BCAS3: variants seen among roughly 807,000 people sequenced by gnomAD.
BCAS3 encodes the protein BCAS4/BCAS3 fusion.
A neutral mutation model predicts 116.1 loss-of-function variants in BCAS3; 53 were observed. The ratio of observed to expected loss-of-function variants is 0.46; its 90% CI spans 0.37 to 0.57. BCAS3 has a LOEUF of 0.57. BCAS3 is among the 20% of genes least tolerant of loss of function. The probability of loss-of-function intolerance (pLI) is 0.00; values close to 1 mark genes in which losing one functional copy is unlikely to be tolerated. For missense variants in BCAS3, 917 were observed against 1,165.4 expected (o/e 0.79, Z 3.10); for synonymous variants, 391 against 408.2 (o/e 0.96, Z 0.51).
intron 10 of BCAS3, among the ~76,000 whole-genome samples, chr17:60,899,500 A>G (rs1242064045): frequency 6.6e-6 from 1 of 151,710 alleles, no homozygotes; most frequent in Non-Finnish European, 1.5e-5. Flanking sequence ...TGACAGCCTG[A>G]GATTTTTTTT....
At position 60,994,358 on chromosome 17, in the gene BCAS3, A is replaced by C. The variant is rs2063712663; in HGVS notation, c.1486+4123A>C. Among the ~76,000 whole-genome samples the C allele has an allele frequency of 6.6e-6, 1 of 151,970 alleles. No individual in the cohort carries two copies. The highest frequency in any genetic ancestry group is 1.5e-5 in the Non-Finnish European group (1 of 67,952). On this transcript the variant is annotated intron_variant, in intron 15 of 23. Transcript: ENST00000407086. This position sits in a 1 kb window ranked among gnomAD's most constrained non-coding sequence, Gnocchi z 4.4. The stretch of plus-strand genomic sequence containing the variant: ...AGTATAGTTCATTTTCTTTGTAATT[A>C]TATGTCTTTTTCCCATGGCTTGTAA...
chr17:61,316,633 AG>A lies in BCAS3; in HGVS notation c.2426-51692del, dbSNP rs2054765305. 6.6e-6 allele frequency among the ~76,000 whole-genome samples: 1 copy of A among 152,152 alleles called. No homozygotes were observed. The highest frequency in any genetic ancestry group is 1.5e-5 in the Non-Finnish European group (1 of 68,032). On this transcript the variant is annotated intron_variant, in intron 22 of 23. Coordinates refer to ENST00000407086, the MANE Select transcript of BCAS3 (RefSeq NM_017679.5). The surrounding 1 kb of genome is among the most constrained non-coding windows in gnomAD (Gnocchi z 5.8). Reference sequence around the variant, plus strand: ...GCTGGTATCTGATAAAATAAAGGAAAGGTTAGAGGGAGGGAGAGAGGGAAGG... The same window carrying A: ...GCTGGTATCTGATAAAATAAAGGAAAGTTAGAGGGAGGGAGAGAGGGAAGG...
intron 15 of BCAS3, among the ~76,000 whole-genome samples, chr17:60,998,299 G>A (rs976713217): frequency 2.6e-5 from 4 of 152,156 alleles, no homozygotes; most frequent in East Asian, 1.9e-4. Context: ...ATAGAACTGC[G>A]ATGAACATAT....
At chr17:60,998,970 C>T (rs1365256780) in intron 15 of BCAS3, among the ~76,000 whole-genome samples, 2 of 152,196 alleles carry the variant, frequency 1.3e-5, no homozygotes, top group Admixed American at 1.3e-4. Context: ...GTCTCTAATC[C>T]ATCTTGAGTT....
chr17:60,756,036 A>C (rs2042956602), intron 6 of BCAS3, among the ~76,000 whole-genome samples: 1 of 152,116 alleles, frequency 6.6e-6, no homozygotes, highest in Admixed American at 6.6e-5. Flanking sequence ...ATTGAGGCTT[A>C]CTTGTTCTAA....
rs912734082 is a variant in BCAS3 at position 61,122,803 on chromosome 17, T to A, written c.2425+38239T>A. ...ATGTTCATATATTTAGCATCTGTTG[T>A]CAATACAGCAATGTAAGCTGATGGC... On this transcript the variant is annotated intron_variant, in intron 22 of 23. Transcript: ENST00000407086. The surrounding 1 kb of genome is among the most constrained non-coding windows in gnomAD (Gnocchi z 4.6). Among the ~76,000 whole-genome samples the A allele has an allele frequency of 6.6e-6, 1 of 152,228 alleles. No individual in the cohort carries two copies. The highest frequency in any genetic ancestry group is 1.5e-5 in the Non-Finnish European group (1 of 68,038).
intron 14 of BCAS3, among the ~76,000 whole-genome samples, chr17:60,971,035 T>C (rs1474533417): frequency 6.6e-6 from 1 of 152,228 alleles, no homozygotes; most frequent in Non-Finnish European, 1.5e-5. Context: ...TGGATGGCAA[T>C]CACAGTGCAG....
At position 61,239,912 on chromosome 17, in the gene BCAS3, G is replaced by A. The variant is rs536845181; in HGVS notation, c.2426-128415G>A. On this transcript the variant is annotated intron_variant, in intron 22 of 23. Coordinates refer to ENST00000407086, the MANE Select transcript of BCAS3 (RefSeq NM_017679.5). The surrounding 1 kb of genome is among the most constrained non-coding windows in gnomAD (Gnocchi z 4.2). ...TATATTTTTTTAAAAGAACACTCAG[G>A]TATGTGAAGCCATAATTGTTGTGTT... Among the ~76,000 whole-genome samples the A allele has an allele frequency of 3.9e-5, 6 of 152,296 alleles. No individual in the cohort carries two copies. Among genetic ancestry groups the A allele is most frequent in the Admixed American group, 3.9e-4 (6 of 15,296 alleles).
rs1445019212 is a variant in BCAS3, at chr17:61,233,346, T to C, written c.2426-134981T>C. On this transcript the variant is annotated intron_variant, in intron 22 of 23. Transcript: ENST00000407086. This position sits in a 1 kb window ranked among gnomAD's most constrained non-coding sequence, Gnocchi z 4.3. ...GTAAAATCTGAGCTGCCCAGAACAC[T>C]CTGTGGCTAATGGCTTTTGCAGAAG... Among the ~76,000 whole-genome samples the C allele has an allele frequency of 6.6e-6, 1 of 152,162 alleles. No individual in the cohort carries two copies. Among genetic ancestry groups the C allele is most frequent in the East Asian group, 1.9e-4 (1 of 5,200 alleles).
rs142358322 is a variant in BCAS3, at chr17:61,375,779, G to C, written c.2593+7285G>C. Among the ~76,000 whole-genome samples the C allele has an allele frequency of 9.5e-3, 1,450 of 152,070 alleles. 23 individuals are homozygous for C. Among genetic ancestry groups the C allele is most frequent in the African/African-American group, 0.033 (1,366 of 41,450 alleles). Reference sequence around the variant, plus strand: ...GTAGAGACAGGGTTTCACCATGTTGGCCAGGCTGATCTCAGACTCCTGACC... The same window carrying C: ...GTAGAGACAGGGTTTCACCATGTTGCCCAGGCTGATCTCAGACTCCTGACC... On this transcript the variant is annotated intron_variant, in intron 23 of 23. Coordinates refer to ENST00000407086, the MANE Select transcript of BCAS3 (RefSeq NM_017679.5).
chr17:61,109,952 C>G (rs1390859386), intron 22 of BCAS3, among the ~76,000 whole-genome samples: 2 of 152,100 alleles, frequency 1.3e-5, no homozygotes, highest in African/African-American at 2.4e-5. Flanking sequence ...TAATTAATTC[C>G]CATCTATTTA....
chr17:61,351,788 G>T (rs1442096887), intron 22 of BCAS3, among the ~76,000 whole-genome samples: 2 of 152,208 alleles, frequency 1.3e-5, no homozygotes, highest in Non-Finnish European at 2.9e-5. Context: ...AGGTGAAAAG[G>T]CACAAGCAAC....
At chr17:60,860,753 TC>T (rs2054089007) in intron 7 of BCAS3, among the ~76,000 whole-genome samples, 1 of 152,226 alleles carries the variant, frequency 6.6e-6, no homozygotes, top group Non-Finnish European at 1.5e-5. Flanking sequence ...GGGAGTTTTT[TC>T]CCTATTGTTT....
rs1364633160 is a variant in BCAS3 at position 61,095,897 on chromosome 17, A to C, written c.2425+11333A>C. On this transcript the variant is annotated intron_variant, in intron 22 of 23. Coordinates refer to ENST00000407086, the MANE Select transcript of BCAS3 (RefSeq NM_017679.5). The surrounding 1 kb of genome is among the most constrained non-coding windows in gnomAD (Gnocchi z 4.7). Reference sequence around the variant, plus strand: ...CATTAAATTACTAGTTTGTTTGTTTATTTCTACAGAAATTCAGATGAGATT... The same window carrying C: ...CATTAAATTACTAGTTTGTTTGTTTCTTTCTACAGAAATTCAGATGAGATT... 6.6e-6 allele frequency among the ~76,000 whole-genome samples: 1 copy of C among 152,010 alleles called. No individual in the cohort carries two copies. The highest frequency in any genetic ancestry group is 1.5e-5 in the Non-Finnish European group (1 of 68,006).
chr17:60,806,716 C>G (rs559945805), intron 6 of BCAS3, among the ~76,000 whole-genome samples: 93 of 152,192 alleles, frequency 6.1e-4, no homozygotes, highest in Non-Finnish European at 1.1e-3. Context: ...CCATACCCAA[C>G]TAATTTTTTG....
chr17:61,090,588 G>A (rs554735069), intron 22 of BCAS3, among the ~76,000 whole-genome samples: 1 of 152,166 alleles, frequency 6.6e-6, no homozygotes, highest in Non-Finnish European at 1.5e-5. Flanking sequence ...GACCTTATTT[G>A]CCCATAAGGA....
rs1435220865 is a variant in BCAS3 at position 61,222,274 on chromosome 17, A to G, written c.2425+137710A>G. Among the ~76,000 whole-genome samples the G allele has an allele frequency of 6.6e-6, 1 of 152,230 alleles. No homozygotes were observed. The highest frequency in any genetic ancestry group is 2.4e-5 in the African/African-American group (1 of 41,458). On this transcript the variant is annotated intron_variant, in intron 22 of 23. Transcript: ENST00000407086. The surrounding 1 kb of genome is among the most constrained non-coding windows in gnomAD (Gnocchi z 6.1). ...AGGGCCTCCATAGGCTTGTCAAACC[A>G]TAGACTTCAATTTTGAAAACCTCTG...
chr17:61,267,142 C>T (rs2049798069), intron 22 of BCAS3, among the ~76,000 whole-genome samples: 1 of 152,072 alleles, frequency 6.6e-6, no homozygotes, highest in Non-Finnish European at 1.5e-5. Context: ...ACCGCAAGCT[C>T]CGCCTCCCGG....
At chr17:60,770,768 C>G (rs1598596429) in intron 6 of BCAS3, among the ~76,000 whole-genome samples, 1 of 150,132 alleles carries the variant, frequency 6.7e-6, no homozygotes, top group African/African-American at 2.4e-5. Flanking sequence ...TATTTTGGTT[C>G]CTCTCTGTGG....
Sources: allele counts gnomAD v4.1 joint callset (sites outside exome capture counted in the v4.1 genomes callset), GRCh38; gene constraint gnomAD v4.1.1; non-coding constraint Gnocchi (gnomAD v3.1); transcripts MANE v1.5; gene names NCBI Gene and HGNC (gene_info 2026-07-23, HGNC 2026-07-21).